The following MAGI2 variants were observed in gnomAD, a reference collection of about 807,000 sequenced individuals.
MAGI2 encodes the protein membrane associated guanylate kinase, WW and PDZ domain containing 2, also known as membrane-associated guanylate kinase, WW and PDZ domain-containing protein 2.
Under a neutral mutation model 133.3 loss-of-function variants are expected in MAGI2, and 35 were observed. The observed-to-expected ratio is 0.26, with a 90% CI of 0.20 to 0.35. MAGI2 has a LOEUF of 0.35. Among genes scored for constraint, MAGI2 ranks in the 10% least tolerant of loss-of-function variants. MAGI2 has a pLI of 1.00. For missense variants in MAGI2, 1,636 were observed against 1,863.4 expected (o/e 0.88, Z 2.25); for synonymous variants, 729 against 710.6 (o/e 1.03, Z -0.41).
intron 10 of MAGI2, among the ~76,000 whole-genome samples, chr7:78,250,837 C>A (rs2150936088): frequency 6.6e-6 from 1 of 152,146 alleles, no homozygotes; most frequent in South Asian, 2.1e-4. Context: ...CAATCCTACA[C>A]AAACTGTTTC....
chr7:78,375,449 C>T (rs1302693936), intron 6 of MAGI2, among the ~76,000 whole-genome samples: 1 of 151,926 alleles, frequency 6.6e-6, no homozygotes, highest in Non-Finnish European at 1.5e-5. Context: ...CCAGAATGGG[C>T]CTCCTTTTAC....
intron 10 of MAGI2, among the ~76,000 whole-genome samples, chr7:78,250,159 T>A (rs1034367407): frequency 1.3e-5 from 2 of 152,176 alleles, no homozygotes; most frequent in African/African-American, 2.4e-5. Context: ...CTAGGACATA[T>A]ACAACTGTAA....
intron 1 of MAGI2, among the ~76,000 whole-genome samples, chr7:79,076,213 C>T (rs978358850): frequency 3.3e-5 from 5 of 152,102 alleles, no homozygotes; most frequent in Non-Finnish European, 7.4e-5. Flanking sequence ...TCCATTGCAT[C>T]CTAGAGATAT....
At chr7:78,123,357 GAACT>G (rs1221089439) in intron 20 of MAGI2, among the ~76,000 whole-genome samples, 1 of 152,106 alleles carries the variant, frequency 6.6e-6, no homozygotes, top group African/African-American at 2.4e-5. Context: ...ATCACAGGCA[GAACT>G]AACCCTATAT....
chr7:78,427,230 A>G (rs575953367), intron 6 of MAGI2, among the ~76,000 whole-genome samples: 2 of 152,260 alleles, frequency 1.3e-5, no homozygotes, highest in South Asian at 4.1e-4. Context: ...TAAGAGATCT[A>G]ATTCCAACCA....
intron 2 of MAGI2, among the ~76,000 whole-genome samples, chr7:78,829,068 T>C (rs912672848): frequency 2.0e-5 from 3 of 152,144 alleles, no homozygotes; most frequent in African/African-American, 4.8e-5. Context: ...GCTTCCTTCA[T>C]ATTTTTGTGT....
At chr7:79,150,461 C>G (rs1047706305) in intron 1 of MAGI2, among the ~76,000 whole-genome samples, 1 of 152,112 alleles carries the variant, frequency 6.6e-6, no homozygotes, top group Non-Finnish European at 1.5e-5. Flanking sequence ...CTAGACATTT[C>G]TCCCTAAAAT....
chr7:78,922,611 G>C (rs866836457), intron 2 of MAGI2, among the ~76,000 whole-genome samples: 1 of 152,108 alleles, frequency 6.6e-6, no homozygotes, highest in Non-Finnish European at 1.5e-5. Context: ...ACTTGGGTTG[G>C]TTCCAAGTCT....
intron 16 of MAGI2, among the ~76,000 whole-genome samples, chr7:78,144,763 TTTG>T (rs1191263161): frequency 6.6e-6 from 1 of 152,198 alleles, no homozygotes; most frequent in Non-Finnish European, 1.5e-5. Context: ...TTATTTATTT[TTTG>T]TTATTTTAAT....
At chr7:78,803,442 A>T (rs1224540726) in intron 2 of MAGI2, among the ~76,000 whole-genome samples, 1 of 152,186 alleles carries the variant, frequency 6.6e-6, no homozygotes, top group African/African-American at 2.4e-5. Context: ...AAACCGAAAC[A>T]TCAGTGCATT....
chr7:79,118,104 G>C (rs1236922707), intron 1 of MAGI2, among the ~76,000 whole-genome samples: 1 of 152,202 alleles, frequency 6.6e-6, no homozygotes, highest in African/African-American at 2.4e-5. Context: ...ATAGCCATGA[G>C]TACCAAACTC....
chr7:78,491,348 G>A (rs1214587498), intron 5 of MAGI2, among the ~76,000 whole-genome samples: 2 of 152,088 alleles, frequency 1.3e-5, no homozygotes, highest in Non-Finnish European at 2.9e-5. Flanking sequence ...TCTAGGTATA[G>A]AGCTATCTTT....
At chr7:78,763,892 T>G (rs943341768) in intron 2 of MAGI2, among the ~76,000 whole-genome samples, 3 of 152,228 alleles carry the variant, frequency 2.0e-5, no homozygotes, top group Admixed American at 2.0e-4. Flanking sequence ...ATTGCTTCCT[T>G]ACATGTATGC....
intron 9 of MAGI2, among the ~76,000 whole-genome samples, chr7:78,276,089 C>A (rs556863257): frequency 6.6e-6 from 1 of 152,110 alleles, no homozygotes; most frequent in South Asian, 2.1e-4. Flanking sequence ...TCTAGGGAAG[C>A]AAGAGATCTA....
At chr7:78,810,474 C>G (rs1788951742) in intron 2 of MAGI2, among the ~76,000 whole-genome samples, 1 of 152,066 alleles carries the variant, frequency 6.6e-6, no homozygotes. Context: ...TGAGTTGTTT[C>G]ATTAATATAA....
intron 3 of MAGI2, among the ~76,000 whole-genome samples, chr7:78,557,368 G>A (rs1292556359): frequency 6.6e-6 from 1 of 152,142 alleles, no homozygotes; most frequent in African/African-American, 2.4e-5. Context: ...TCCAAGACCT[G>A]GTACCATTTC....
At chr7:79,084,425 GTTGT>G (rs1487201697) in intron 1 of MAGI2, among the ~76,000 whole-genome samples, 2 of 151,590 alleles carry the variant, frequency 1.3e-5, no homozygotes, top group African/African-American at 4.8e-5. Flanking sequence ...TTAGGTTTGT[GTTGT>G]TTAATTGCCA....
chr7:78,696,511 T>C (rs913337464), intron 2 of MAGI2, among the ~76,000 whole-genome samples: 1 of 152,156 alleles, frequency 6.6e-6, no homozygotes, highest in Non-Finnish European at 1.5e-5. Flanking sequence ...TGTGCCACAA[T>C]TGCTTTTTTC....
chr7:78,070,114 C>CAT (rs1814338784), intron 21 of MAGI2, among the ~76,000 whole-genome samples: 1 of 102,078 alleles, frequency 9.8e-6, no homozygotes, highest in Non-Finnish European at 2.3e-5. Flanking sequence ...CATACACACA[C>CAT]ACACACACAC....
Sources: gnomAD v4.1 joint callset for allele counts (sites outside exome capture counted in the v4.1 genomes callset) on GRCh38, gnomAD v4.1.1 for gene constraint, MANE v1.5 for transcripts, NCBI Gene and HGNC (gene_info 2026-07-23, HGNC 2026-07-21) for gene names.